Variants in TACC1 observed in about 807,000 individuals in gnomAD.
The protein encoded by TACC1 is transforming acidic coiled-coil-containing protein 1.
In TACC1, 48 loss-of-function variants were observed where a neutral mutation model predicts 84.4. The ratio of observed to expected loss-of-function variants is 0.57; its 90% CI spans 0.45 to 0.72. The LOEUF (loss-of-function observed/expected upper bound fraction) is 0.72. Ranked by LOEUF, TACC1 falls within the 30% of genes least tolerant of loss-of-function variation. TACC1 has a pLI of 0.00. For missense variants in TACC1, 920 were observed against 973.0 expected, an observed-to-expected ratio of 0.95 and a Z score of 0.72; for synonymous variants, 372 against 376.3, an observed-to-expected ratio of 0.99 and a Z score of 0.13.
At chr8:38,758,464 G>C (rs773708564) in intron 3 of TACC1, among the ~76,000 whole-genome samples, 2 of 152,110 alleles carry the variant, frequency 1.3e-5, no homozygotes, top group African/African-American at 4.8e-5. Flanking sequence ...GATCCCCTGA[G>C]GTCAGGAGTT....
At chr8:38,742,085 G>T (rs1002597511) in intron 1 of TACC1, among the ~76,000 whole-genome samples, 1 of 152,216 alleles carries the variant, frequency 6.6e-6, no homozygotes, top group Non-Finnish European at 1.5e-5. Flanking sequence ...AGGGTCACAG[G>T]TCTGAAGCAT....
intron 3 of TACC1, among the ~76,000 whole-genome samples, chr8:38,770,718 G>C (rs1163246065): frequency 6.6e-6 from 1 of 151,934 alleles, no homozygotes; most frequent in Admixed American, 6.6e-5. Flanking sequence ...ATCTTATTTG[G>C]GGGGAAAAAA....
At chr8:38,810,115 C>A (rs189941153) in intron 2 of TACC1, among the ~76,000 whole-genome samples, 3 of 151,624 alleles carry the variant, frequency 2.0e-5, no homozygotes, top group African/African-American at 7.3e-5. Flanking sequence ...TTCTTTTTTT[C>A]TTTTTTTTCA....
At chr8:38,838,280 T>C (rs1260523421) in intron 7 of TACC1, among the ~76,000 whole-genome samples, 190 bp from the exon 8 acceptor site, 1 of 152,272 alleles carries the variant, frequency 6.6e-6, no homozygotes, top group African/African-American at 2.4e-5. Context: ...TATTCCCGTG[T>C]CTGCATCCCA....
chr8:38,791,614 A>G (rs1818675969), intron 2 of TACC1, among the ~76,000 whole-genome samples: 1 of 152,168 alleles, frequency 6.6e-6, no homozygotes, highest in Non-Finnish European at 1.5e-5. Context: ...ATTGAAGTTT[A>G]ATTTCTGGGA....
intron 5 of TACC1, among the ~76,000 whole-genome samples, chr8:38,829,845 G>A (rs1300062501): frequency 2.0e-5 from 3 of 152,248 alleles, no homozygotes; most frequent in Non-Finnish European, 4.4e-5. Context: ...AGTGGAGGCT[G>A]CGGTCCTGGG....
chr8:38,785,625 G>A, upstream of TACC1: 2 of 885,854 alleles, frequency 2.3e-6, no homozygotes, highest in Non-Finnish European at 2.7e-6. Context: ...AGGAAGAACA[G>A]GTCCTAGTGT....
intron 3 of TACC1, among the ~76,000 whole-genome samples, chr8:38,823,324 T>G (rs1397005061): frequency 6.6e-6 from 1 of 152,188 alleles, no homozygotes; most frequent in Non-Finnish European, 1.5e-5. Flanking sequence ...TGCCCTCTTT[T>G]GTGGCTTTTA....
At chr8:38,798,637 G>GTGTGTA (rs1217304367) in intron 2 of TACC1, among the ~76,000 whole-genome samples, 1 of 151,338 alleles carries the variant, frequency 6.6e-6, no homozygotes, top group Admixed American at 6.6e-5. Flanking sequence ...GTGTGTGTGT[G>GTGTGTA]TGTATGTGTA....
intron 1 of TACC1, among the ~76,000 whole-genome samples, chr8:38,731,177 G>A (rs1586971482): frequency 6.6e-6 from 1 of 152,062 alleles, no homozygotes; most frequent in African/African-American, 2.4e-5. Context: ...GGTCTCAAGC[G>A]ATCCTCCTGC....
chr8:38,787,282 C>T lies in TACC1; in HGVS notation c.-301C>T. 1 of 1,094,076 alleles carries T rather than the reference C, an allele frequency of 9.1e-7. No homozygotes were observed. The highest frequency in any genetic ancestry group is 1.1e-6 in the Non-Finnish European group (1 of 900,146). 67.8% of individuals were successfully genotyped at this position (1,094,076 alleles called of 1,614,324 possible). On this transcript the variant is annotated 5_prime_UTR_variant, in exon 1 of 13. Coordinates refer to ENST00000317827, the MANE Select transcript of TACC1 (RefSeq NM_006283.3). ...GAGCAGCAGAGGTCTAGCAGCCGGG[C>T]GCCGCGGGCCGGGGGCCTGAGGAGG...
chr8:38,826,182 G>A (rs1253077292), intron 4 of TACC1, among the ~76,000 whole-genome samples: 2 of 152,218 alleles, frequency 1.3e-5, no homozygotes, highest in African/African-American at 2.4e-5. Flanking sequence ...GGTATATGGT[G>A]TAAGATGTAA....
chr8:38,817,247 A>C (rs1016136881), intron 2 of TACC1, among the ~76,000 whole-genome samples: 1 of 152,176 alleles, frequency 6.6e-6, no homozygotes, highest in Non-Finnish European at 1.5e-5. Flanking sequence ...AAACACATGG[A>C]TATTTGCAGC....
intron 5 of TACC1, among the ~76,000 whole-genome samples, chr8:38,830,248 G>T (rs541629135): frequency 6.6e-6 from 1 of 152,076 alleles, no homozygotes; most frequent in Non-Finnish European, 1.5e-5. Context: ...TTACTTTAAT[G>T]AGTGCATCTT....
intron 3 of TACC1, among the ~76,000 whole-genome samples, chr8:38,769,425 AGGT>A (rs1813014183): frequency 1.3e-5 from 1 of 78,008 alleles, no homozygotes; most frequent in African/African-American, 5.3e-5. Flanking sequence ...AGACTGTATG[AGGT>A]GGGGGGGTGT....
At chr8:38,843,806 T>G (rs1048231246) in intron 11 of TACC1, among the ~76,000 whole-genome samples, 1 of 152,238 alleles carries the variant, frequency 6.6e-6, no homozygotes, top group Admixed American at 6.5e-5. Context: ...ATCATTTATT[T>G]AACAATCCCC....
intron 2 of TACC1, among the ~76,000 whole-genome samples, chr8:38,789,251 C>A (rs545257229): frequency 6.6e-6 from 1 of 152,138 alleles, no homozygotes; most frequent in African/African-American, 2.4e-5. Context: ...ACTCACCTCG[C>A]CCACTTCCAT....
At chr8:38,738,044 G>A (rs1202185978) in intron 1 of TACC1, among the ~76,000 whole-genome samples, 1 of 151,974 alleles carries the variant, frequency 6.6e-6, no homozygotes, top group Non-Finnish European at 1.5e-5. Flanking sequence ...CATTCTTTAA[G>A]GGAGGTAATG....
chr8:38,787,946 T>TA (rs981837887), intron 1 of TACC1, among the ~76,000 whole-genome samples: 5 of 152,146 alleles, frequency 3.3e-5, no homozygotes, highest in African/African-American at 9.6e-5. Context: ...CCCGTTTCGC[T>TA]AGGAGAGTTC....
Sources: gnomAD v4.1 joint callset for allele counts (sites outside exome capture counted in the v4.1 genomes callset) on GRCh38, gnomAD v4.1.1 for gene constraint, MANE v1.5 for transcripts, NCBI Gene and HGNC (gene_info 2026-07-23, HGNC 2026-07-21) for gene names.